Variants in DOCK4 observed in about 807,000 individuals in gnomAD.
The protein encoded by DOCK4 is dedicator of cytokinesis protein 4.
A neutral mutation model predicts 268.1 loss-of-function variants in DOCK4; 97 were observed. That is an observed-to-expected ratio of 0.36 (90% CI 0.31 to 0.43). DOCK4 has a LOEUF of 0.43. Among genes scored for constraint, DOCK4 ranks in the 20% least tolerant of loss-of-function variants. The pLI is 1.00. For synonymous variants in DOCK4, 954 were observed against 887.2 expected (o/e 1.08, Z -1.34); for missense variants, 2,145 against 2,455.7 (o/e 0.87, Z 2.67).
chr7:112,117,206 T>A (rs1372580679), intron 1 of DOCK4, among the ~76,000 whole-genome samples: 2 of 152,196 alleles, frequency 1.3e-5, no homozygotes, highest in Non-Finnish European at 2.9e-5. Flanking sequence ...CTTTTCACAG[T>A]AACTCACAAG....
At chr7:111,821,106 G>A (rs955491172) in intron 27 of DOCK4, 1 of 152,134 alleles carries the variant, frequency 6.6e-6, no homozygotes, top group Non-Finnish European at 1.5e-5. Flanking sequence ...TATACTATTT[G>A]TTACTTCACA....
intron 1 of DOCK4, among the ~76,000 whole-genome samples, chr7:112,146,190 G>A (rs1478721162): frequency 6.6e-6 from 1 of 152,190 alleles, no homozygotes; most frequent in Non-Finnish European, 1.5e-5. Flanking sequence ...GGTCTTAAAT[G>A]CTTTGCCAGA....
In DOCK4 at chr7:112,178,737, A is replaced by T. The variant is rs150792263; in HGVS notation, c.37+27365T>A. ...GTTTTGCACACTTTTTAAAAAAGGGATCCAAAAAATAAAAATATTTTTTCT... is the reference window on the plus strand; with the variant it reads ...GTTTTGCACACTTTTTAAAAAAGGGTTCCAAAAAATAAAAATATTTTTTCT... On this transcript the variant is annotated intron_variant, in intron 1 of 52. Transcript: ENST00000428084. Among the ~76,000 whole-genome samples the T allele has an allele frequency of 5.2e-3, 796 of 152,300 alleles. 8 individuals are homozygous for T. The highest frequency in any genetic ancestry group is 0.018 in the African/African-American group (753 of 41,562).
intron 8 of DOCK4, among the ~76,000 whole-genome samples, chr7:111,957,895 A>T (rs747366743): frequency 5.9e-5 from 9 of 152,214 alleles, no homozygotes; most frequent in Non-Finnish European, 1.2e-4. Context: ...ATACTTAGGG[A>T]AAGATGCTAC....
At chr7:112,126,630 A>C (rs1026169824) in intron 1 of DOCK4, among the ~76,000 whole-genome samples, 16 of 152,340 alleles carry the variant, frequency 1.1e-4, no homozygotes, top group East Asian at 7.7e-4. Context: ...CAACCTACAA[A>C]ATGGGAGAAA....
intron 1 of DOCK4, among the ~76,000 whole-genome samples, chr7:112,201,942 T>A (rs890186087): frequency 1.3e-5 from 2 of 152,212 alleles, no homozygotes; most frequent in Non-Finnish European, 2.9e-5. Flanking sequence ...GATCATGCAG[T>A]ACTTATCTTT....
At chr7:111,886,436 T>G (rs1807850144) in intron 16 of DOCK4, among the ~76,000 whole-genome samples, 1 of 152,188 alleles carries the variant, frequency 6.6e-6, no homozygotes, top group Non-Finnish European at 1.5e-5. Flanking sequence ...ATGTCTGATC[T>G]CCACACTTAT....
At chr7:112,206,024 G>A (rs1220393512) in intron 1 of DOCK4, 78 bp downstream of exon 1, 1 of 1,486,232 alleles carries the variant, frequency 6.7e-7, no homozygotes. Context: ...CGGAGCGAGA[G>A]GGGCGCGGGG....
At chr7:111,854,337 T>C (rs766746461) in intron 23 of DOCK4, among the ~76,000 whole-genome samples, 3 of 152,174 alleles carry the variant, frequency 2.0e-5, no homozygotes, top group Non-Finnish European at 4.4e-5. Flanking sequence ...CCTGTTCTGT[T>C]CCATTCTAAT....
rs143062529 is a variant in DOCK4 at position 111,756,327 on chromosome 7, C to T, written c.4330-726G>A. On this transcript the variant is annotated intron_variant, in intron 41 of 52. Coordinates refer to ENST00000428084, the MANE Select transcript of DOCK4 (RefSeq NM_001363540.2). ...TCGCCCCACTGCACTCCAGCCTGGG[C>T]GACAGGGCGAGACTCCTTCTCAAAA... Among the ~76,000 whole-genome samples the T allele has an allele frequency of 6.9e-3, 1,047 of 152,128 alleles. 3 individuals carry two copies. Among genetic ancestry groups the T allele is most frequent in the Non-Finnish European group, 0.011 (738 of 67,998 alleles).
chr7:112,160,176 A>C (rs1338471152), intron 1 of DOCK4, among the ~76,000 whole-genome samples: 1 of 152,198 alleles, frequency 6.6e-6, no homozygotes, highest in Non-Finnish European at 1.5e-5. Flanking sequence ...CAGTCAGAGC[A>C]AGGGCTCCAA....
At chr7:111,930,398 T>C (rs1794102903) in intron 12 of DOCK4, among the ~76,000 whole-genome samples, 2 of 152,148 alleles carry the variant, frequency 1.3e-5, no homozygotes, top group Admixed American at 6.5e-5. Flanking sequence ...ACAACTCCAA[T>C]AGCTAGGAGG....
At chr7:112,151,280 T>G (rs10225458) in intron 1 of DOCK4, among the ~76,000 whole-genome samples, 11,555 of 152,128 alleles carry the variant, frequency 0.076, 1,528 homozygotes, top group African/African-American at 0.26. Context: ...TTCAGTTTCC[T>G]CATGTGTAGA....
intron 1 of DOCK4, among the ~76,000 whole-genome samples, chr7:112,084,358 A>T (rs771144771): frequency 6.6e-6 from 1 of 152,214 alleles, no homozygotes; most frequent in Non-Finnish European, 1.5e-5. Flanking sequence ...AGCTACTAAA[A>T]TATTTGAATG....
chr7:111,872,667 C>A (rs2134240698), intron 17 of DOCK4, 103 bp from the exon 18 acceptor site: 1 of 860,404 alleles, frequency 1.2e-6, no homozygotes, highest in South Asian at 1.9e-5. Context: ...ATGTGGCTCC[C>A]CTCTCCTAGC....
At chr7:112,122,477 C>T (rs1463038383) in intron 1 of DOCK4, among the ~76,000 whole-genome samples, 1 of 151,976 alleles carries the variant, frequency 6.6e-6, no homozygotes, top group Admixed American at 6.6e-5. Context: ...TCTTGTGTTG[C>T]CCAGGATGGT....
intron 23 of DOCK4, among the ~76,000 whole-genome samples, chr7:111,857,907 G>A (rs1358856546): frequency 1.3e-5 from 2 of 152,148 alleles, no homozygotes; most frequent in African/African-American, 2.4e-5. Flanking sequence ...ATCTGGGGGA[G>A]AAAGGGAAAA....
At chr7:112,137,935 T>C (rs1463718040) in intron 1 of DOCK4, among the ~76,000 whole-genome samples, 3 of 152,250 alleles carry the variant, frequency 2.0e-5, no homozygotes. Flanking sequence ...AGTATTTGCA[T>C]AGTGCTTAGC....
intron 1 of DOCK4, among the ~76,000 whole-genome samples, chr7:112,199,635 T>G (rs1159375114): frequency 6.6e-6 from 1 of 152,208 alleles, no homozygotes; most frequent in Non-Finnish European, 1.5e-5. Flanking sequence ...AGTTCACTTT[T>G]TTAATAAAAC....
Sources: allele counts gnomAD v4.1 joint callset (sites outside exome capture counted in the v4.1 genomes callset), GRCh38; gene constraint gnomAD v4.1.1; transcripts MANE v1.5; gene names NCBI Gene and HGNC (gene_info 2026-07-23, HGNC 2026-07-21).